TBC1D32: variants seen among roughly 807,000 people sequenced by gnomAD.
The protein encoded by TBC1D32 is protein broad-minded.
In TBC1D32, 151 loss-of-function variants were observed where a neutral mutation model predicts 170.3. That is an observed-to-expected ratio of 0.89 (90% CI 0.78 to 1.01). TBC1D32 has a LOEUF of 1.01. TBC1D32 is among the 50% of genes least tolerant of loss of function. TBC1D32 has a pLI of 0.00. For synonymous variants in TBC1D32, 498 were observed against 488.0 expected (o/e 1.02, Z -0.27); for missense variants, 1,464 against 1,457.1 (o/e 1.00, Z -0.08).
At chr6:121,331,198 T>TTG in intron 1 of TBC1D32, among the ~76,000 whole-genome samples, 2 of 151,704 alleles carry the variant, frequency 1.3e-5, no homozygotes, top group East Asian at 1.9e-4. Flanking sequence ...TTTTTGGTTT[T>TTG]TTGTTGTTGT....
chr6:121,263,625 G>A (rs111488241), intron 15 of TBC1D32, among the ~76,000 whole-genome samples: 2,192 of 152,166 alleles, frequency 0.014, 15 homozygotes, highest in Middle Eastern at 0.034. Flanking sequence ...CTCTCCACCC[G>A]AAAACAACAG....
intron 24 of TBC1D32, among the ~76,000 whole-genome samples, chr6:121,157,185 G>A (rs1326334495): frequency 6.6e-6 from 1 of 152,092 alleles, no homozygotes; most frequent in Non-Finnish European, 1.5e-5. Flanking sequence ...GTGAATCTGA[G>A]TGCTCTAATG....
chr6:121,153,167 A>G (rs572466592), intron 24 of TBC1D32, among the ~76,000 whole-genome samples: 3 of 151,930 alleles, frequency 2.0e-5, no homozygotes, highest in African/African-American at 7.2e-5. Flanking sequence ...GCTATTGGTG[A>G]CCTTGGGATG....
At chr6:121,275,027 A>T (rs1269719018) in intron 15 of TBC1D32, among the ~76,000 whole-genome samples, 1 of 152,220 alleles carries the variant, frequency 6.6e-6, no homozygotes, top group Non-Finnish European at 1.5e-5. Context: ...AAAAGTAACA[A>T]AAGAATACCA....
At chr6:121,091,285 A>ATACCTATT (rs1776772571) in intron 30 of TBC1D32, among the ~76,000 whole-genome samples, 1 of 152,288 alleles carries the variant, frequency 6.6e-6, no homozygotes, top group Admixed American at 6.5e-5. Context: ...CACTCCTCAT[A>ATACCTATT]TACCTATTAC....
chr6:121,310,920 A>C, intron 3 of TBC1D32, 73 bp from the exon 4 acceptor site: 2 of 850,744 alleles, frequency 2.4e-6, no homozygotes, highest in East Asian at 2.5e-5. Context: ...TATTTTTTCA[A>C]TATAATTCCA....
At position 121,285,610 on chromosome 6, in the gene TBC1D32, T is replaced by C. The variant is rs547070854; in HGVS notation, c.1373-1700A>G. 2.0e-4 allele frequency among the ~76,000 whole-genome samples: 31 copies of C among 152,256 alleles called. 1 individual carries two copies. In the South Asian group the frequency reaches 6.4e-3, roughly 32 times the overall value. On this transcript the variant is annotated intron_variant, in intron 12 of 31. Transcript: ENST00000398212. ...AGCGACGCAGAAGACGGGTGATTTCTGCATTTCCAACTGAGCCTTGAAGAG... is the reference window on the plus strand; with the variant it reads ...AGCGACGCAGAAGACGGGTGATTTCCGCATTTCCAACTGAGCCTTGAAGAG...
At chr6:121,269,828 T>C (rs1310032256) in intron 15 of TBC1D32, among the ~76,000 whole-genome samples, 2 of 152,016 alleles carry the variant, frequency 1.3e-5, no homozygotes, top group African/African-American at 4.8e-5. Flanking sequence ...AGCACCACAT[T>C]GCACTTATTC....
At chr6:121,281,196 T>C (rs1428550215) in intron 14 of TBC1D32, among the ~76,000 whole-genome samples, 1 of 151,748 alleles carries the variant, frequency 6.6e-6, no homozygotes, top group Non-Finnish European at 1.5e-5. Flanking sequence ...CCAAAACCTA[T>C]AACAATGCCA....
At chr6:121,148,655 C>A (rs1292476813) in intron 24 of TBC1D32, among the ~76,000 whole-genome samples, 3 of 151,978 alleles carry the variant, frequency 2.0e-5, no homozygotes, top group African/African-American at 7.2e-5. Flanking sequence ...GCTCTGTCAC[C>A]TGGGCTGGAG....
intron 22 of TBC1D32, among the ~76,000 whole-genome samples, chr6:121,198,124 T>C (rs1790997608): frequency 6.8e-6 from 1 of 146,234 alleles, no homozygotes; most frequent in East Asian, 1.9e-4. Flanking sequence ...TGTGATCAGG[T>C]AAGTTAATAC....
intron 17 of TBC1D32, among the ~76,000 whole-genome samples, chr6:121,244,060 T>A (rs138741574): frequency 6.6e-6 from 1 of 151,986 alleles, no homozygotes; most frequent in East Asian, 1.9e-4. Context: ...CTAGTCTGCA[T>A]AAACTAATGC....
intron 20 of TBC1D32, among the ~76,000 whole-genome samples, chr6:121,233,657 C>T (rs368311731): frequency 4.6e-5 from 7 of 152,170 alleles, no homozygotes; most frequent in African/African-American, 1.7e-4. Flanking sequence ...AATTCTTATC[C>T]GTTCTGCCAT....
chr6:121,279,248 G>A lies in TBC1D32; in HGVS notation c.1609-3C>T. ...GTCTCAGAGCAATTTGGAGATGCCTGTACATTAAAAAGAAAACAAGACAAA... is the reference window on the plus strand; with the variant it reads ...GTCTCAGAGCAATTTGGAGATGCCTATACATTAAAAAGAAAACAAGACAAA... On this transcript the variant is annotated splice_polypyrimidine_tract_variant and splice_region_variant and intron_variant, in intron 14 of 31. Coordinates refer to ENST00000398212, the MANE Select transcript of TBC1D32 (RefSeq NM_152730.6). The A allele has an allele frequency of 6.3e-7, 1 of 1,598,814 alleles. No homozygotes were observed. The highest frequency in any genetic ancestry group is 8.5e-7 in the Non-Finnish European group (1 of 1,175,932).
rs1350023513 is a variant in TBC1D32, at chr6:121,213,672, T to C, written c.2482-8509A>G. On this transcript the variant is annotated intron_variant, in intron 21 of 31. Coordinates refer to ENST00000398212, the MANE Select transcript of TBC1D32 (RefSeq NM_152730.6). ...ATGATACAAACAAATGGAAACACATTCGATGCTTATGGATAGAATCAATAT... is the reference window on the plus strand; with the variant it reads ...ATGATACAAACAAATGGAAACACATCCGATGCTTATGGATAGAATCAATAT... 4.6e-5 allele frequency among the ~76,000 whole-genome samples: 7 copies of C among 152,006 alleles called. No homozygotes were observed. In the East Asian group the frequency reaches 1.2e-3, roughly 25 times the overall value.
chr6:121,140,026 G>T (rs779137102), intron 24 of TBC1D32, among the ~76,000 whole-genome samples: 1 of 152,006 alleles, frequency 6.6e-6, no homozygotes, highest in East Asian at 1.9e-4. Context: ...ATTGCCAGGG[G>T]TTTGTATTTT....
chr6:121,252,198 T>C (rs1798387353), intron 17 of TBC1D32, among the ~76,000 whole-genome samples: 1 of 152,136 alleles, frequency 6.6e-6, no homozygotes, highest in Admixed American at 6.5e-5. Flanking sequence ...AGAAATACCA[T>C]TTGACCCCTC....
In TBC1D32 at chr6:121,080,542, CTAAAAG is replaced by C; in HGVS notation, c.*223_*228del. ...ACTAACTCTTAAACATGAATAAGAA[CTAAAAG>C]TAAGCTAGATCTGATTCTATAATAA... On this transcript the variant is annotated 3_prime_UTR_variant, in exon 32 of 32. Coordinates refer to ENST00000398212, the MANE Select transcript of TBC1D32 (RefSeq NM_152730.6). 1 of 477,002 alleles carries C rather than the reference CTAAAAG, an allele frequency of 2.1e-6. No individual in the cohort carries two copies. Among genetic ancestry groups the C allele is most frequent in the Non-Finnish European group, 3.4e-6 (1 of 291,124 alleles). 29.5% of individuals were successfully genotyped at this position (477,002 alleles called of 1,614,324 possible).
At chr6:121,311,341 T>C (rs1007885096) in intron 3 of TBC1D32, among the ~76,000 whole-genome samples, 1 of 152,194 alleles carries the variant, frequency 6.6e-6, no homozygotes, top group African/African-American at 2.4e-5. Context: ...AAGTTTATAG[T>C]AGATTATAAG....
Sources: allele counts gnomAD v4.1 joint callset (sites outside exome capture counted in the v4.1 genomes callset), GRCh38; gene constraint gnomAD v4.1.1; transcripts MANE v1.5; gene names NCBI Gene and HGNC (gene_info 2026-07-23, HGNC 2026-07-21).